ABCB5: variants seen among roughly 807,000 people sequenced by gnomAD.
ABCB5 encodes ATP binding cassette subfamily B member 5.
A neutral mutation model predicts 144.2 loss-of-function variants in ABCB5; 155 were observed. That is an observed-to-expected ratio of 1.08 (90% CI 0.94 to 1.23). ABCB5 has a LOEUF of 1.23. ABCB5 is among the 50% of genes most tolerant of loss of function. The pLI is 0.00. For synonymous variants in ABCB5, 610 were observed against 528.6 expected, an observed-to-expected ratio of 1.15 and a Z score of -2.11; for missense variants, 1,830 against 1,520.8, an observed-to-expected ratio of 1.20 and a Z score of -3.38.
chr7:20,661,603 T>C (rs746349303), intron 14 of ABCB5, among the ~76,000 whole-genome samples: 9 of 150,246 alleles, frequency 6.0e-5, no homozygotes, highest in Non-Finnish European at 1.2e-4. Context: ...TGGCATGATC[T>C]TCACTCACTG....
At chr7:20,644,130 G>T (rs1378954899) in intron 7 of ABCB5, among the ~76,000 whole-genome samples, 1 of 151,638 alleles carries the variant, frequency 6.6e-6, no homozygotes, top group Non-Finnish European at 1.5e-5. Context: ...GTGTCACACA[G>T]GCTGGAGTGC....
intron 23 of ABCB5, among the ~76,000 whole-genome samples, chr7:20,735,663 T>A (rs1211890657): frequency 6.6e-6 from 1 of 152,124 alleles, no homozygotes; most frequent in East Asian, 1.9e-4. Context: ...ACAGTTGATA[T>A]CTAGGGCCTT....
rs11525778 is a variant in ABCB5 at position 20,673,576 on chromosome 7, C to T, written c.1708-7929C>T. Among the ~76,000 whole-genome samples, 8 of 152,022 alleles carry T rather than the reference C, an allele frequency of 5.3e-5. No individual in the cohort carries two copies. The East Asian group carries it at 1.3e-3, about 26-fold the overall frequency. ...CTGCTTTATCTAATATTAACATAGC[C>T]ACTCCATTTTTCTTTTACTCTGTGT... On this transcript the variant is annotated intron_variant, in intron 14 of 27. Transcript: ENST00000404938.
At chr7:20,649,201 G>C (rs887170068) in intron 11 of ABCB5, among the ~76,000 whole-genome samples, 1 of 152,132 alleles carries the variant, frequency 6.6e-6, no homozygotes, top group African/African-American at 2.4e-5. Context: ...TACTCCTACT[G>C]GTGGTCCCCG....
chr7:20,746,388 G>A (rs374776502), intron 26 of ABCB5, among the ~76,000 whole-genome samples: 8 of 152,202 alleles, frequency 5.3e-5, no homozygotes, highest in Middle Eastern at 6.8e-3. Context: ...GTGAGCCATC[G>A]CGCCCGGCAA....
chr7:20,702,233 T>C (rs940908662), intron 19 of ABCB5, among the ~76,000 whole-genome samples: 2 of 152,242 alleles, frequency 1.3e-5, no homozygotes, highest in African/African-American at 4.8e-5. Context: ...TTCTTAATGA[T>C]AAATAATTAC....
At chr7:20,655,532 C>T (rs184970568) in intron 13 of ABCB5, among the ~76,000 whole-genome samples, 208 of 150,866 alleles carry the variant, frequency 1.4e-3, no homozygotes, top group African/African-American at 4.8e-3. Context: ...GCAACAGTTA[C>T]AAATGAAATT....
rs191517176 is a variant in ABCB5, at chr7:20,734,896, T to C, written c.2868-4087T>C. Among the ~76,000 whole-genome samples the C allele has an allele frequency of 5.0e-3, 755 of 152,364 alleles. 2 individuals carry two copies. The highest frequency in any genetic ancestry group is 8.6e-3 in the Admixed American group (132 of 15,304). ...ACACATTCTATTTGTTATTTCACTA[T>C]AAATGTGTAGATTTAGATGTACAAA... On this transcript the variant is annotated intron_variant, in intron 23 of 27. Transcript: ENST00000404938.
intron 14 of ABCB5, among the ~76,000 whole-genome samples, chr7:20,664,633 A>G (rs1206808775): frequency 1.3e-5 from 2 of 152,260 alleles, no homozygotes; most frequent in Non-Finnish European, 2.9e-5. Context: ...TTTACCAAGA[A>G]TAAAAATAGG....
chr7:20,716,015 G>A (rs28517520), intron 20 of ABCB5, among the ~76,000 whole-genome samples: 3,396 of 152,134 alleles, frequency 0.022, 113 homozygotes, highest in African/African-American at 0.072. Flanking sequence ...GTGAGCCACC[G>A]TGCCCAGCTG....
At chr7:20,663,324 C>T (rs1464381414) in intron 14 of ABCB5, among the ~76,000 whole-genome samples, 1 of 152,026 alleles carries the variant, frequency 6.6e-6, no homozygotes, top group Non-Finnish European at 1.5e-5. Context: ...CTACAGTAGC[C>T]AAAAGGTGAA....
intron 1 of ABCB5, among the ~76,000 whole-genome samples, chr7:20,620,427 G>T (rs1783783874): frequency 6.6e-6 from 1 of 151,894 alleles, no homozygotes; most frequent in African/African-American, 2.4e-5. Flanking sequence ...GAAAACTTTT[G>T]CTTATTAAAG....
At chr7:20,697,462 A>G (rs1275157191) in intron 16 of ABCB5, among the ~76,000 whole-genome samples, 1 of 152,204 alleles carries the variant, frequency 6.6e-6, no homozygotes, top group African/African-American at 2.4e-5. Context: ...ATAATTACTC[A>G]CCACAAAGCT....
intron 26 of ABCB5, among the ~76,000 whole-genome samples, chr7:20,745,865 C>T (rs1782703266): frequency 6.6e-6 from 1 of 152,238 alleles, no homozygotes. Context: ...CATGGCTCCC[C>T]TGTGCGCTTA....
chr7:20,738,607 G>T (rs1181413198), intron 23 of ABCB5, among the ~76,000 whole-genome samples: 1 of 152,156 alleles, frequency 6.6e-6, no homozygotes, highest in South Asian at 2.1e-4. Flanking sequence ...TGTAAATCCA[G>T]ATCTCACTAC....
intron 19 of ABCB5, among the ~76,000 whole-genome samples, chr7:20,703,281 C>G (rs1322455444): frequency 6.6e-6 from 1 of 152,182 alleles, no homozygotes; most frequent in East Asian, 1.9e-4. Context: ...TCTTTCAGTT[C>G]AGCAGTGCTG....
chr7:20,700,638 T>G (rs927675812), intron 19 of ABCB5, among the ~76,000 whole-genome samples: 3 of 152,330 alleles, frequency 2.0e-5, no homozygotes, highest in South Asian at 2.1e-4. Context: ...CAGGTCTGCC[T>G]GCCTCACGCA....
At position 20,681,112 on chromosome 7, in the gene ABCB5, CTTT is replaced by C. The variant is rs72229968; in HGVS notation, c.1708-392_1708-390del. On this transcript the variant is annotated intron_variant, in intron 14 of 27. Transcript: ENST00000404938. ...TCTTTCTTTCTTTCTTTCTTTCTTT[CTTT>C]CTTTCTTTCTTTTTCTTTCTGTCTT... Among the ~76,000 whole-genome samples the C allele has an allele frequency of 9.5e-3, 56 of 5,910 alleles. 5 individuals carry two copies. Among genetic ancestry groups the C allele is most frequent in the African/African-American group, 0.015 (45 of 2,972 alleles). The allele number at this position is 5,910 out of a possible 152,430, so 3.9% of individuals were successfully genotyped here.
At chr7:20,737,545 A>G (rs1044594851) in intron 23 of ABCB5, among the ~76,000 whole-genome samples, 8 of 152,196 alleles carry the variant, frequency 5.3e-5, no homozygotes, top group African/African-American at 1.9e-4. Flanking sequence ...GAATGTTAGG[A>G]CAGGTAGAGA....
Sources: gnomAD v4.1 joint callset for allele counts (sites outside exome capture counted in the v4.1 genomes callset) on GRCh38, gnomAD v4.1.1 for gene constraint, MANE v1.5 for transcripts, NCBI Gene and HGNC (gene_info 2026-07-23, HGNC 2026-07-21) for gene names.